Variants in RFFL observed in about 807,000 individuals in gnomAD.
The protein encoded by RFFL is ring finger and FYVE like domain containing E3 ubiquitin protein ligase, also known as E3 ubiquitin-protein ligase rififylin.
A neutral mutation model predicts 40.4 loss-of-function variants in RFFL; 16 were observed. That is an observed-to-expected ratio of 0.40 (90% CI 0.27 to 0.60). RFFL has a LOEUF of 0.60. Ranked by LOEUF, RFFL falls within the 20% of genes least tolerant of loss-of-function variation. The pLI, the probability that RFFL is intolerant of heterozygous loss-of-function variation, is 0.47. For synonymous variants in RFFL, 154 were observed against 167.9 expected (o/e 0.92, Z 0.64); for missense variants, 367 against 451.7 (o/e 0.81, Z 1.70).
At chr17:35,052,404 C>T (rs191455598) in intron 1 of RFFL, among the ~76,000 whole-genome samples, 1 of 152,112 alleles carries the variant, frequency 6.6e-6, no homozygotes, top group Admixed American at 6.6e-5. Context: ...TGGGGGAACT[C>T]AAGCCACAAA....
chr17:35,070,281 C>T (rs907145926), intron 1 of RFFL, among the ~76,000 whole-genome samples: 4 of 152,158 alleles, frequency 2.6e-5, no homozygotes, highest in African/African-American at 9.7e-5. Flanking sequence ...AGCAATCTCC[C>T]ACCTCAGCCT....
chr17:35,062,879 T>C (rs1243664932), intron 1 of RFFL, among the ~76,000 whole-genome samples: 1 of 150,908 alleles, frequency 6.6e-6, no homozygotes, highest in Non-Finnish European at 1.5e-5. Flanking sequence ...ATGAGGGAGG[T>C]TCTTCCTATT....
chr17:35,023,021 A>G (rs1374727927), intron 2 of RFFL, among the ~76,000 whole-genome samples: 1 of 152,228 alleles, frequency 6.6e-6, no homozygotes, highest in Non-Finnish European at 1.5e-5. Context: ...GCACAGTGAC[A>G]TCCGGCTGAG....
upstream of RFFL, among the ~76,000 whole-genome samples, chr17:35,067,891 T>C (rs889455606): frequency 1.3e-5 from 2 of 152,218 alleles, no homozygotes; most frequent in African/African-American, 4.8e-5. Flanking sequence ...GTAGTCACAC[T>C]GAGCAGGTCC....
chr17:35,056,185 T>TA (rs1473481321), intron 1 of RFFL, among the ~76,000 whole-genome samples: 2 of 152,072 alleles, frequency 1.3e-5, no homozygotes, highest in African/African-American at 4.8e-5. Flanking sequence ...GAATTCCCCT[T>TA]ACAGACTCCT....
At chr17:35,029,583 T>G (rs937606943) in intron 1 of RFFL, among the ~76,000 whole-genome samples, 1 of 149,992 alleles carries the variant, frequency 6.7e-6, no homozygotes, top group Non-Finnish European at 1.5e-5. Context: ...TGCAGTGGCA[T>G]GATCTCAGCT....
chr17:35,048,268 G>A (rs1002606596), intron 1 of RFFL, among the ~76,000 whole-genome samples: 11 of 151,738 alleles, frequency 7.2e-5, no homozygotes, highest in African/African-American at 2.7e-4. Context: ...CGGGAGTGGC[G>A]GTGTGCACCT....
intron 1 of RFFL, among the ~76,000 whole-genome samples, chr17:35,040,080 C>T (rs766628667): frequency 1.9e-4 from 29 of 152,192 alleles, no homozygotes; most frequent in Non-Finnish European, 3.8e-4. Flanking sequence ...TTCCAAGTGG[C>T]CAGATCTAAT....
chr17:35,035,635 C>T (rs1484258319), intron 1 of RFFL, among the ~76,000 whole-genome samples: 2 of 150,316 alleles, frequency 1.3e-5, no homozygotes, highest in African/African-American at 4.9e-5. Context: ...ATACCTATAT[C>T]TGTATCTATA....
rs1312438136 is a variant in RFFL, at chr17:35,016,407, G to A, written c.849C>T (p.Thr283=). 1 of 1,613,974 alleles carries A rather than the reference G, an allele frequency of 6.2e-7. No homozygotes were observed. The highest frequency in any genetic ancestry group is 1.3e-5 in the African/African-American group (1 of 74,898). ...CEKWELMERV[T]RLYKDQKGLQ... The stretch of plus-strand genomic sequence containing the variant: ...GTCCTTTCTGATCCTTGTATAGCCG[G>A]GTCACTCTCTCCATCAGCTCCCACT... Residue 283 remains threonine (T), a synonymous_variant, in exon 5 of 7, where the codon ACC becomes ACT. Coordinates refer to ENST00000394597, the MANE Select transcript of RFFL (RefSeq NM_001017368.2).
chr17:35,079,737 T>C (rs747048398), intron 1 of RFFL, among the ~76,000 whole-genome samples: 6 of 152,160 alleles, frequency 3.9e-5, no homozygotes, highest in Non-Finnish European at 7.3e-5. Context: ...TCATCTGAAG[T>C]GCTGGATTCA....
intron 1 of RFFL, among the ~76,000 whole-genome samples, chr17:35,043,605 C>T (rs1369692073): frequency 1.3e-5 from 2 of 152,318 alleles, no homozygotes; most frequent in East Asian, 3.9e-4. Flanking sequence ...TTAGACATGA[C>T]ATAATCTTCT....
intron 1 of RFFL, among the ~76,000 whole-genome samples, chr17:35,082,562 T>C (rs1400768054): frequency 6.6e-6 from 1 of 152,228 alleles, no homozygotes; most frequent in East Asian, 1.9e-4. Context: ...GGTTCTTAAC[T>C]TTAGTCCTCA....
intron 1 of RFFL, among the ~76,000 whole-genome samples, chr17:35,045,155 C>A (rs1179358952): frequency 6.6e-6 from 1 of 152,178 alleles, no homozygotes; most frequent in Non-Finnish European, 1.5e-5. Flanking sequence ...CCTTGAATCT[C>A]ATAATGATTA....
chr17:35,009,069 G>C lies in RFFL; in HGVS notation c.*2899C>G, dbSNP rs994704755. On this transcript the variant is annotated 3_prime_UTR_variant, in exon 7 of 7. Transcript: ENST00000394597. ...GCATGAACCACTGTCAGGCTCTTTT[G>C]TCAGTCCTATCAACCTCTAACATCC... is the stretch of plus-strand genomic sequence containing the variant. The C allele has an allele frequency of 6.6e-6, 1 of 152,634 alleles. No individual in the cohort carries two copies. The highest frequency in any genetic ancestry group is 1.5e-5 in the Non-Finnish European group (1 of 68,052). The allele number at this position is 152,634 out of a possible 1,614,324, so 9.5% of individuals were successfully genotyped here.
intron 1 of RFFL, among the ~76,000 whole-genome samples, chr17:35,032,082 G>A (rs529576977): frequency 1.2e-4 from 18 of 144,436 alleles, no homozygotes; most frequent in South Asian, 1.1e-3. Context: ...GCGACAGAGC[G>A]AGACTCCGTC....
intron 2 of RFFL, among the ~76,000 whole-genome samples, chr17:35,022,906 T>C (rs1014658876): frequency 3.9e-5 from 6 of 152,248 alleles, no homozygotes; most frequent in African/African-American, 1.4e-4. Flanking sequence ...ATGGGCAAGC[T>C]GGTACTGCCT....
intron 1 of RFFL, among the ~76,000 whole-genome samples, chr17:35,058,298 C>A (rs1447434091): frequency 6.6e-6 from 1 of 152,086 alleles, no homozygotes; most frequent in Non-Finnish European, 1.5e-5. Context: ...CAACACAACA[C>A]CCCCAGGAGA....
chr17:35,086,034 T>C (rs1439197712), intron 1 of RFFL, among the ~76,000 whole-genome samples: 1 of 152,170 alleles, frequency 6.6e-6, no homozygotes, highest in East Asian at 1.9e-4. Context: ...TTCCTACCTA[T>C]CTGAGATGGC....
Sources: gnomAD v4.1 joint callset for allele counts (sites outside exome capture counted in the v4.1 genomes callset) on GRCh38, gnomAD v4.1.1 for gene constraint, MANE v1.5 for transcripts, NCBI Gene and HGNC (gene_info 2026-07-23, HGNC 2026-07-21) for gene names.